Variants in TDRP observed in about 807,000 individuals in gnomAD.
TDRP encodes the protein testis development-related protein.
A neutral mutation model predicts 10.5 loss-of-function variants in TDRP; 12 were observed. The ratio of observed to expected loss-of-function variants is 1.15; its 90% confidence interval spans 0.73 to 1.86. The LOEUF (loss-of-function observed/expected upper bound fraction) is 1.86. Ranked by LOEUF, TDRP falls within the 40% of genes most tolerant of loss-of-function variation. The pLI, the probability that TDRP is intolerant of heterozygous loss-of-function variation, is 0.00. For synonymous variants in TDRP, 139 were observed against 95.4 expected (o/e 1.46, Z -2.67); for missense variants, 353 against 229.2 (o/e 1.54, Z -3.49).
At chr8:542,323 A>C (rs2116885851) in intron 1 of TDRP, among the ~76,000 whole-genome samples, 1 of 152,256 alleles carries the variant, frequency 6.6e-6, no homozygotes, top group South Asian at 2.1e-4. Context: ...GGCAAACGTC[A>C]GTACACATTT....
chr8:507,481 C>T (rs1801497998), intron 1 of TDRP, among the ~76,000 whole-genome samples: 2 of 152,132 alleles, frequency 1.3e-5, no homozygotes, highest in South Asian at 4.1e-4. Flanking sequence ...TGCCCCAGGA[C>T]ATTTTTTAAA....
chr8:503,093 G>A (rs1434771360), intron 1 of TDRP, among the ~76,000 whole-genome samples: 2 of 145,934 alleles, frequency 1.4e-5, no homozygotes, highest in African/African-American at 5.1e-5. Flanking sequence ...GTGTCAACAT[G>A]GAATCCAAAG....
intron 1 of TDRP, among the ~76,000 whole-genome samples, chr8:501,205 C>CA (rs915774201): frequency 1.3e-5 from 2 of 151,450 alleles, no homozygotes; most frequent in East Asian, 2.0e-4. Flanking sequence ...GACTCCATCT[C>CA]AAAAAAACAA....
At chr8:515,923 AAAAT>A (rs1249968017) in intron 1 of TDRP, among the ~76,000 whole-genome samples, 2 of 152,210 alleles carry the variant, frequency 1.3e-5, no homozygotes, top group Non-Finnish European at 1.5e-5. Context: ...AAAGAAATAA[AAAAT>A]AAATGGCTTT....
intron 1 of TDRP, among the ~76,000 whole-genome samples, chr8:519,230 G>A (rs559826358): frequency 2.6e-5 from 4 of 152,170 alleles, no homozygotes; most frequent in African/African-American, 7.2e-5. Flanking sequence ...TGCATGTTGA[G>A]AGGGATGGAC....
At chr8:509,285 G>C (rs1374521473) in intron 1 of TDRP, among the ~76,000 whole-genome samples, 1 of 152,206 alleles carries the variant, frequency 6.6e-6, no homozygotes, top group South Asian at 2.1e-4. Flanking sequence ...GGGACTCTCT[G>C]TGGGGGCTCC....
intron 1 of TDRP, among the ~76,000 whole-genome samples, chr8:499,630 G>A (rs1274798456): frequency 1.3e-5 from 2 of 152,250 alleles, no homozygotes; most frequent in Non-Finnish European, 2.9e-5. Context: ...ATCGAAGTGT[G>A]AGCGTGAGGA....
intron 1 of TDRP, among the ~76,000 whole-genome samples, chr8:513,309 A>G (rs1801666797): frequency 1.3e-5 from 2 of 152,140 alleles, no homozygotes; most frequent in South Asian, 4.1e-4. Flanking sequence ...AATGAAAAGA[A>G]TTATGTACCA....
intron 1 of TDRP, among the ~76,000 whole-genome samples, chr8:501,377 T>C (rs996644852): frequency 1.3e-5 from 2 of 151,666 alleles, no homozygotes; most frequent in Admixed American, 6.6e-5. Flanking sequence ...GATGGAGTCT[T>C]TCTCTGTTGC....
intron 1 of TDRP, among the ~76,000 whole-genome samples, chr8:517,655 G>A (rs950462747): frequency 2.0e-5 from 3 of 152,138 alleles, no homozygotes; most frequent in African/African-American, 7.2e-5. Context: ...TACATGTATT[G>A]ATTTAAAACT....
chr8:520,316 T>A (rs1053792370), intron 1 of TDRP, among the ~76,000 whole-genome samples: 1 of 152,202 alleles, frequency 6.6e-6, no homozygotes, highest in Non-Finnish European at 1.5e-5. Flanking sequence ...AATATTCCAT[T>A]GAACATATGT....
At chr8:493,129 G>C (rs908843452) in intron 2 of TDRP, among the ~76,000 whole-genome samples, 4 of 152,184 alleles carry the variant, frequency 2.6e-5, no homozygotes, top group Non-Finnish European at 5.9e-5. Context: ...TTATCAAATA[G>C]GTTTTCAATT....
At chr8:544,509 G>C (rs998648083) in intron 1 of TDRP, 141 bp downstream of exon 1, 9 of 480,240 alleles carry the variant, frequency 1.9e-5, no homozygotes, top group Non-Finnish European at 2.6e-5. Context: ...GCCGCGCCCC[G>C]GAGCTACGCG....
intron 1 of TDRP, among the ~76,000 whole-genome samples, chr8:527,679 G>C (rs879565789): frequency 6.6e-6 from 1 of 152,116 alleles, no homozygotes; most frequent in Admixed American, 6.6e-5. Flanking sequence ...TCAATAAATG[G>C]TTCTGGGAAA....
In TDRP at chr8:511,689, T is replaced by C. The variant is rs143029117; in HGVS notation, c.109-17092A>G. 1.3e-3 allele frequency among the ~76,000 whole-genome samples: 194 copies of C among 152,358 alleles called. 1 individual carries two copies. Among genetic ancestry groups the C allele is most frequent in the African/African-American group, 4.4e-3 (185 of 41,590 alleles). The stretch of plus-strand genomic sequence containing the variant: ...TCAGTCTTCAGGACAGATCATATGC[T>C]AGGTGATAAAACAAACCTGGATATA... On this transcript the variant is annotated intron_variant, in intron 1 of 2. Coordinates refer to ENST00000324079, the MANE Select transcript of TDRP (RefSeq NM_001384899.1).
chr8:529,868 G>C (rs1802141219), intron 1 of TDRP, among the ~76,000 whole-genome samples: 1 of 151,944 alleles, frequency 6.6e-6, no homozygotes, highest in South Asian at 2.1e-4. Flanking sequence ...CCTTTCTTTG[G>C]TTTCTTCCTA....
At chr8:535,751 C>A (rs1471550128) in intron 1 of TDRP, among the ~76,000 whole-genome samples, 2 of 147,212 alleles carry the variant, frequency 1.4e-5, no homozygotes, top group South Asian at 2.1e-4. Context: ...TGGGCCCACC[C>A]GAGGCAGGTC....
chr8:512,257 A>G (rs1801638959), intron 1 of TDRP, among the ~76,000 whole-genome samples: 1 of 148,194 alleles, frequency 6.7e-6, no homozygotes, highest in African/African-American at 2.6e-5. Context: ...CCCCTTCTCT[A>G]CAACAACAAC....
At chr8:517,801 A>T (rs879779387) in intron 1 of TDRP, among the ~76,000 whole-genome samples, 3 of 152,262 alleles carry the variant, frequency 2.0e-5, no homozygotes, top group Non-Finnish European at 4.4e-5. Flanking sequence ...AATATTTTAC[A>T]GAGTTTGGAT....
Sources: gnomAD v4.1 joint callset for allele counts (sites outside exome capture counted in the v4.1 genomes callset) on GRCh38, gnomAD v4.1.1 for gene constraint, MANE v1.5 for transcripts, NCBI Gene and HGNC (gene_info 2026-07-23, HGNC 2026-07-21) for gene names.